The following PAPPA variants were observed in gnomAD, a reference collection of about 807,000 sequenced individuals.
The protein encoded by PAPPA is pappalysin 1, also known as pappalysin-1.
PAPPA carries 60 observed loss-of-function variants against 164.0 expected under a neutral mutation model. The observed-to-expected ratio is 0.37, with a 90% CI of 0.30 to 0.45. The LOEUF (loss-of-function observed/expected upper bound fraction) is 0.45, where lower values mean the gene tolerates loss of function less well. Among genes scored for constraint, PAPPA ranks in the 20% least tolerant of loss-of-function variants. The probability of loss-of-function intolerance (pLI) is 1.00; values close to 1 mark genes in which losing one functional copy is unlikely to be tolerated. For synonymous variants in PAPPA, 875 were observed against 814.1 expected (o/e 1.07, Z -1.27); for missense variants, 1,782 against 2,087.3 (o/e 0.85, Z 2.85).
At chr9:116,348,373 G>A (rs560111172) in intron 15 of PAPPA, among the ~76,000 whole-genome samples, 78 of 151,854 alleles carry the variant, frequency 5.1e-4, no homozygotes, top group Non-Finnish European at 9.3e-4. Flanking sequence ...TCTCAAGCCA[G>A]GGGGTAAAGA....
chr9:116,161,593 G>A (rs1053000578), intron 1 of PAPPA, among the ~76,000 whole-genome samples: 1 of 151,762 alleles, frequency 6.6e-6, no homozygotes, highest in Non-Finnish European at 1.5e-5. Context: ...GGTGTGATAT[G>A]ATATTGTTGT....
intron 2 of PAPPA, among the ~76,000 whole-genome samples, chr9:116,194,241 T>C (rs1844078002): frequency 6.6e-6 from 1 of 152,178 alleles, no homozygotes; most frequent in Non-Finnish European, 1.5e-5. Context: ...TCTCTGAGCC[T>C]CCAATTCCAC....
chr9:116,279,957 A>T (rs1311086542), intron 9 of PAPPA, among the ~76,000 whole-genome samples: 1 of 152,164 alleles, frequency 6.6e-6, no homozygotes, highest in Admixed American at 6.5e-5. Context: ...AGGGATATAG[A>T]CCTAATTGTA....
At chr9:116,389,229 T>C (rs538370903) in intron 21 of PAPPA, among the ~76,000 whole-genome samples, 1 of 150,038 alleles carries the variant, frequency 6.7e-6, no homozygotes, top group East Asian at 2.0e-4. Context: ...GCCTCCCAGG[T>C]TCAAGCAATT....
At chr9:116,382,918 C>T (rs1293176183) in intron 21 of PAPPA, among the ~76,000 whole-genome samples, 1 of 152,072 alleles carries the variant, frequency 6.6e-6, no homozygotes, top group Non-Finnish European at 1.5e-5. Context: ...TGTAAAATCC[C>T]AGTGAGAACA....
At chr9:116,184,379 A>C (rs763815797) in intron 1 of PAPPA, among the ~76,000 whole-genome samples, 6 of 152,028 alleles carry the variant, frequency 3.9e-5, no homozygotes, top group Non-Finnish European at 7.4e-5. Flanking sequence ...TTTGAGGAGG[A>C]CCTGGGCTTT....
intron 10 of PAPPA, among the ~76,000 whole-genome samples, chr9:116,328,007 T>C (rs1241222783): frequency 1.3e-5 from 2 of 152,228 alleles, no homozygotes; most frequent in Admixed American, 1.3e-4. Context: ...ATAACACCAG[T>C]ATATTCCTTT....
At chr9:116,368,989 C>G (rs2118653525) in intron 19 of PAPPA, among the ~76,000 whole-genome samples, 2 of 152,266 alleles carry the variant, frequency 1.3e-5, no homozygotes, top group East Asian at 3.9e-4. Flanking sequence ...CTTCCTCTTT[C>G]TCTTTTGCTG....
intron 9 of PAPPA, chr9:116,288,553 G>T (rs924368594): frequency 1.0e-4 from 15 of 150,252 alleles, no homozygotes; most frequent in African/African-American, 2.9e-4. Flanking sequence ...TACACACCTT[G>T]TTAAAGAAGA....
At chr9:116,312,558 A>G (rs2418441) in intron 10 of PAPPA, among the ~76,000 whole-genome samples, 139,448 of 151,998 alleles carry the variant, frequency 0.92, 65,050 homozygotes, top group East Asian at 1. Context: ...CTCAAGCCAG[A>G]CCCAAAGGAT....
At position 116,207,619 on chromosome 9, in the gene PAPPA, C is replaced by T. The variant is rs1376276006; in HGVS notation, c.1624+18C>T. The T allele has an allele frequency of 3.7e-6, 6 of 1,605,308 alleles. No individual in the cohort carries two copies. Among genetic ancestry groups the T allele is most frequent in the Non-Finnish European group, 5.1e-6 (6 of 1,175,052 alleles). ...GCACTTAGGTGAGTCTTAGAAACTC[C>T]TTCAGGAGGCAACTAGAGTAGGACA... is the stretch of plus-strand genomic sequence containing the variant. On this transcript the variant is annotated intron_variant, in intron 3 of 21. Coordinates refer to ENST00000328252, the MANE Select transcript of PAPPA (RefSeq NM_002581.5).
chr9:116,233,541 A>G (rs1375159574), intron 6 of PAPPA, among the ~76,000 whole-genome samples: 3 of 152,220 alleles, frequency 2.0e-5, no homozygotes, highest in Non-Finnish European at 4.4e-5. Context: ...GAGATAGAGG[A>G]AATCTTGTAA....
intron 5 of PAPPA, among the ~76,000 whole-genome samples, chr9:116,223,374 G>A (rs1844468309): frequency 6.6e-6 from 1 of 152,122 alleles, no homozygotes; most frequent in Non-Finnish European, 1.5e-5. Flanking sequence ...ATTTCATAAA[G>A]CAGTTACTGT....
At chr9:116,251,580 C>A (rs1316511978) in intron 7 of PAPPA, among the ~76,000 whole-genome samples, 2 of 152,194 alleles carry the variant, frequency 1.3e-5, no homozygotes, top group African/African-American at 4.8e-5. Flanking sequence ...ACTCCCTGGC[C>A]CTGACTTGGC....
intron 9 of PAPPA, among the ~76,000 whole-genome samples, chr9:116,298,107 A>C (rs1845531423): frequency 6.6e-6 from 1 of 152,196 alleles, no homozygotes; most frequent in Non-Finnish European, 1.5e-5. Flanking sequence ...TCATTTTCCT[A>C]AGATTTGGTT....
At chr9:116,246,698 T>C (rs1844800522) in intron 7 of PAPPA, among the ~76,000 whole-genome samples, 1 of 152,124 alleles carries the variant, frequency 6.6e-6, no homozygotes, top group African/African-American at 2.4e-5. Flanking sequence ...TCAAGTTTGC[T>C]AAAAAGCAAG....
intron 4 of PAPPA, among the ~76,000 whole-genome samples, chr9:116,213,047 TG>T (rs1364731325): frequency 6.6e-6 from 1 of 152,202 alleles, no homozygotes; most frequent in Admixed American, 6.5e-5. Flanking sequence ...AGCTAGCTGA[TG>T]GTTGAGTGGG....
At chr9:116,227,292 C>A (rs1587961198) in intron 5 of PAPPA, 139 bp from the exon 6 acceptor site, 1 of 869,218 alleles carries the variant, frequency 1.2e-6, no homozygotes, top group East Asian at 2.5e-5. Context: ...TTTCCAGAAG[C>A]CTTGGCATAT....
At chr9:116,325,785 C>A (rs13297350) in intron 10 of PAPPA, among the ~76,000 whole-genome samples, 1 of 152,052 alleles carries the variant, frequency 6.6e-6, no homozygotes, top group Non-Finnish European at 1.5e-5. Flanking sequence ...GGAGATGGTT[C>A]TACACAGCAA....
Sources: gnomAD v4.1 joint callset for allele counts (sites outside exome capture counted in the v4.1 genomes callset) on GRCh38, gnomAD v4.1.1 for gene constraint, MANE v1.5 for transcripts, NCBI Gene and HGNC (gene_info 2026-07-23, HGNC 2026-07-21) for gene names.